IFIH1: variants seen among roughly 807,000 people sequenced by gnomAD.
IFIH1 encodes the protein interferon induced with helicase C domain 1, also known as interferon-induced helicase C domain-containing protein 1.
Under a neutral mutation model 107.4 loss-of-function variants are expected in IFIH1, and 125 were observed. The observed-to-expected ratio is 1.16, with a 90% confidence interval of 1.01 to 1.35. The LOEUF is 1.35. Ranked by LOEUF, IFIH1 falls within the 40% of genes most tolerant of loss-of-function variation. IFIH1 has a pLI of 0.00. For synonymous variants in IFIH1, 458 were observed against 413.2 expected, an observed-to-expected ratio of 1.11 and a Z score of -1.31; for missense variants, 1,333 against 1,213.7, an observed-to-expected ratio of 1.10 and a Z score of -1.46.
intron 1 of IFIH1, among the ~76,000 whole-genome samples, chr2:162,314,416 T>TTTCTTTTCTTTCTTTCTTTC (rs71009355): frequency 1.7e-3 from 88 of 51,448 alleles, no homozygotes; most frequent in East Asian, 5.5e-3. Context: ...TCTTTCTTTC[T>TTTCTTTTCTTTCTTTCTTTC]TTTCTTTCTT....
At position 162,287,635 on chromosome 2, in the gene IFIH1, A is replaced by C. The variant is rs1389310567; in HGVS notation, c.1095+500T>G. 3.3e-5 allele frequency among the ~76,000 whole-genome samples: 5 copies of C among 151,906 alleles called. 1 individual carries two copies. Among genetic ancestry groups the C allele is most frequent in the African/African-American group, 1.2e-4 (5 of 41,410 alleles). ...TGATGTAGATACCAAACCTTCACTT[A>C]ATTTTATCTCCAAACCACATTATAT... On this transcript the variant is annotated intron_variant, in intron 5 of 15. Transcript: ENST00000649979.
rs559220581 is a variant in IFIH1, at chr2:162,309,463, G to T, written c.622+1302C>A. ...CATTCTTTCCTTTCCCTGAAGAATA[G>T]TACACATTCACAGCCAAATAGCTCT... On this transcript the variant is annotated intron_variant, in intron 2 of 15. Transcript: ENST00000649979. Among the ~76,000 whole-genome samples the T allele has an allele frequency of 2.0e-5, 3 of 152,322 alleles. No homozygotes were observed. In the South Asian group the frequency reaches 6.2e-4, roughly 32 times the overall value.
chr2:162,284,194 G>A (rs568572660), intron 5 of IFIH1, among the ~76,000 whole-genome samples: 92 of 151,892 alleles, frequency 6.1e-4, no homozygotes, highest in African/African-American at 2.1e-3. Context: ...CTTCCACAAA[G>A]CCGTTCTTGA....
Position 162,282,413 on chromosome 2 carries a change from G to A in IFIH1, c.1259C>T (p.Ser420Phe), listed in dbSNP as rs754807936. The A allele has an allele frequency of 3.8e-5, 61 of 1,611,398 alleles. No individual in the cohort carries two copies. The highest frequency in any genetic ancestry group is 4.8e-5 in the Non-Finnish European group (56 of 1,178,492). ...TTCTCCATTTTCCAAGTTTAAGAGG[G>A]AGTTTTCAAGGATTTGAGCTGTACT... Reference protein sequence around the residue: ...IISTAQILENSLLNLENGEDA... With the variant: ...IISTAQILENFLLNLENGEDA... Residue 420 changes from serine (S) to phenylalanine (F), a missense_variant, in exon 6 of 16, where the codon TCC (serine) becomes TTC (phenylalanine). Coordinates refer to ENST00000649979, the MANE Select transcript of IFIH1 (RefSeq NM_022168.4).
chr2:162,307,121 A>C, intron 2 of IFIH1: 1 of 301,150 alleles, frequency 3.3e-6, no homozygotes, highest in Non-Finnish European at 6.2e-6. Context: ...TAATATGTTG[A>C]CATTTCGAAA....
At chr2:162,274,338 G>A (rs752797528) in intron 11 of IFIH1, among the ~76,000 whole-genome samples, 4 of 152,120 alleles carry the variant, frequency 2.6e-5, no homozygotes, top group Admixed American at 6.5e-5. Context: ...GCTATTTAGA[G>A]GATAAGATGC....
Position 162,288,242 on chromosome 2 carries a change from G to T in IFIH1, c.988C>A (p.Pro330Thr), listed in dbSNP as rs141848057. ...ACTCTGGTTTTTCCACTCCCTGTAG[G>T]GAGGCAGATGATGATATTCTTCCCT... ...LEGKNIIICL[P>T]TGSGKTRVAV... Residue 330 changes from proline to threonine, a missense_variant, in exon 5 of 16, where the codon CCT becomes ACT. Pro to Thr is a conservative substitution (Grantham distance 38). Transcript: ENST00000649979. 1.2e-6 allele frequency: 2 copies of T among 1,612,588 alleles called. No individual in the cohort carries two copies. Among genetic ancestry groups the T allele is most frequent in the African/African-American group, 2.7e-5 (2 of 74,774 alleles).
rs1305870227 is a variant in IFIH1, at chr2:162,317,782, G to C, written c.453+73C>G. The C allele has an allele frequency of 1.1e-5, 14 of 1,250,306 alleles. No individual in the cohort carries two copies. The East Asian group carries it at 3.0e-4, about 27-fold the overall frequency. The allele number at this position is 1,250,306 out of a possible 1,614,324, so 77.5% of individuals were successfully genotyped here. ...CAAAGAGGTCAAGCACATTTGGAAA[G>C]GGGCAAACGCACAAGGAAGCCTGCT... On this transcript the variant is annotated intron_variant, in intron 1 of 15. Transcript: ENST00000649979.
intron 1 of IFIH1, among the ~76,000 whole-genome samples, chr2:162,313,900 C>T (rs953592383): frequency 6.6e-6 from 1 of 152,098 alleles, no homozygotes; most frequent in African/African-American, 2.4e-5. Context: ...GACTTGGGTG[C>T]TCAACTTCAT....
Position 162,278,387 on chromosome 2 carries a change from T to C in IFIH1, c.1642-59A>G, listed in dbSNP as rs572406870. ...TCTTATTGTTAAAGGAATAACATTA[T>C]CTTTGTTAGAATAATTTCTAGGTTA... On this transcript the variant is annotated intron_variant, in intron 8 of 15. Coordinates refer to ENST00000649979, the MANE Select transcript of IFIH1 (RefSeq NM_022168.4). The C allele has an allele frequency of 3.8e-5, 34 of 884,740 alleles. No individual in the cohort carries two copies. The African/African-American group carries it at 5.2e-4, about 14-fold the overall frequency. 54.8% of individuals were successfully genotyped at this position (884,740 alleles called of 1,614,324 possible).
chr2:162,314,398 C>CCTT lies in IFIH1; in HGVS notation c.453+3454_453+3456dup, dbSNP rs1683437502. On this transcript the variant is annotated intron_variant, in intron 1 of 15. Coordinates refer to ENST00000649979, the MANE Select transcript of IFIH1 (RefSeq NM_022168.4). ...TCCCTCCCTCCCTCCCTCCCTCCCT[C>CCTT]CTTTCTTTCTTTCTTTCTTTTCTTT... Among the ~76,000 whole-genome samples the CCTT allele has an allele frequency of 6.0e-5, 4 of 67,026 alleles. 1 individual carries two copies. Among genetic ancestry groups the CCTT allele is most frequent in the South Asian group, 1.1e-3 (2 of 1,758 alleles). The allele number at this position is 67,026 out of a possible 152,430, so 44.0% of individuals were successfully genotyped here.
intron 4 of IFIH1, among the ~76,000 whole-genome samples, chr2:162,293,001 G>C (rs1449386839): frequency 6.6e-6 from 1 of 151,774 alleles, no homozygotes; most frequent in African/African-American, 2.4e-5. Context: ...ATTTATTGCT[G>C]GTGGAATATA....
chr2:162,267,702 C>CA (rs1690953751), intron 14 of IFIH1, 133 bp from the exon 15 acceptor site: 1 of 683,012 alleles, frequency 1.5e-6, no homozygotes, highest in South Asian at 1.8e-5. Flanking sequence ...TTCCCTCCTG[C>CA]TTCCCAGGCT....
chr2:162,267,603 G>GGCCGGGCGCGGTGGCTC, intron 14 of IFIH1, 34 bp from the exon 15 acceptor site: 2 of 1,464,142 alleles, frequency 1.4e-6, no homozygotes, highest in Non-Finnish European at 1.9e-6. Flanking sequence ...TCATCATGGA[G>GGCCGGGCGCGGTGGCTC]AACTGACAAA....
At chr2:162,316,692 T>A (rs989846160) in intron 1 of IFIH1, among the ~76,000 whole-genome samples, 8 of 152,316 alleles carry the variant, frequency 5.3e-5, no homozygotes, top group African/African-American at 1.9e-4. Flanking sequence ...TAGAGTGGTG[T>A]AGACAAAGCC....
intron 3 of IFIH1, among the ~76,000 whole-genome samples, chr2:162,306,167 C>A (rs900693939): frequency 1.1e-4 from 17 of 152,260 alleles, no homozygotes; most frequent in Admixed American, 1.1e-3. Context: ...TCTGCCAGGG[C>A]TGTTTCAGTA....
intron 3 of IFIH1, among the ~76,000 whole-genome samples, chr2:162,295,733 C>T (rs1683074725): frequency 6.6e-6 from 1 of 151,928 alleles, no homozygotes; most frequent in African/African-American, 2.4e-5. Context: ...TAAAATATGG[C>T]ACCTCGCAAT....
rs148344289 is a variant in IFIH1, at chr2:162,288,855, T to C, written c.875-500A>G. 4.0e-5 allele frequency among the ~76,000 whole-genome samples: 6 copies of C among 151,692 alleles called. No homozygotes were observed. The East Asian group carries it at 1.2e-3, about 30-fold the overall frequency. Reference sequence around the variant, plus strand: ...CCTTTTTTTAATTGCAAAGAAGGTATTATGGCTGATACTATTTTCTTTCGT... The same window carrying C: ...CCTTTTTTTAATTGCAAAGAAGGTACTATGGCTGATACTATTTTCTTTCGT... On this transcript the variant is annotated intron_variant, in intron 4 of 15. Coordinates refer to ENST00000649979, the MANE Select transcript of IFIH1 (RefSeq NM_022168.4).
chr2:162,272,194 T>C, intron 13 of IFIH1, 32 bp downstream of exon 13: 1 of 1,585,326 alleles, frequency 6.3e-7, no homozygotes, highest in Middle Eastern at 1.8e-4. Flanking sequence ...CATTTTTAAA[T>C]GAAAATCAAA....
Sources: allele counts gnomAD v4.1 joint callset (sites outside exome capture counted in the v4.1 genomes callset), GRCh38; gene constraint gnomAD v4.1.1; transcripts MANE v1.5; gene names NCBI Gene and HGNC (gene_info 2026-07-23, HGNC 2026-07-21).